Variants in DLG2 observed in about 807,000 individuals in gnomAD.
DLG2 encodes discs large MAGUK scaffold protein 2.
A neutral mutation model predicts 132.5 loss-of-function variants in DLG2; 45 were observed. That is an observed-to-expected ratio of 0.34 (90% CI 0.27 to 0.44). The LOEUF is 0.44. Among genes scored for constraint, DLG2 ranks in the 20% least tolerant of loss-of-function variants. DLG2 has a pLI of 1.00. For missense variants in DLG2, 1,045 were observed against 1,196.9 expected (o/e 0.87, Z 1.87); for synonymous variants, 424 against 419.6 (o/e 1.01, Z -0.13).
intron 10 of DLG2, among the ~76,000 whole-genome samples, chr11:84,081,742 A>T (rs1028047938): frequency 1.3e-5 from 2 of 152,192 alleles, no homozygotes; most frequent in Admixed American, 1.3e-4. Flanking sequence ...GGTTGCTTCC[A>T]AGTCTTTGCT....
intron 10 of DLG2, among the ~76,000 whole-genome samples, chr11:84,072,906 G>A (rs997851615): frequency 3.3e-5 from 5 of 152,160 alleles, no homozygotes; most frequent in Admixed American, 1.3e-4. Flanking sequence ...TAAAGAGAAG[G>A]GGACAGACAT....
intron 3 of DLG2, among the ~76,000 whole-genome samples, chr11:85,487,122 G>A (rs1318349318): frequency 6.7e-6 from 1 of 149,828 alleles, no homozygotes; most frequent in Non-Finnish European, 1.5e-5. Context: ...AGCCAACAAT[G>A]TATATACAAG....
At chr11:84,992,079 T>C (rs1488317035) in intron 6 of DLG2, among the ~76,000 whole-genome samples, 2 of 152,074 alleles carry the variant, frequency 1.3e-5, no homozygotes, top group African/African-American at 4.8e-5. Flanking sequence ...CTCTCTGGAG[T>C]GTTTCTTTCT....
intron 3 of DLG2, among the ~76,000 whole-genome samples, chr11:85,572,040 C>G (rs2077872426): frequency 6.6e-6 from 1 of 152,036 alleles, no homozygotes. Flanking sequence ...ACTCACTGTC[C>G]TTACAGAGAT....
intron 4 of DLG2, among the ~76,000 whole-genome samples, chr11:85,195,434 AAAG>A (rs1225230079): frequency 6.6e-6 from 1 of 152,132 alleles, no homozygotes; most frequent in Non-Finnish European, 1.5e-5. Context: ...AAATAAGTGA[AAAG>A]GAGGGACCCT....
chr11:83,977,351 T>C (rs2092362910), intron 12 of DLG2, among the ~76,000 whole-genome samples: 1 of 151,990 alleles, frequency 6.6e-6, no homozygotes, highest in East Asian at 1.9e-4. Context: ...GAGTATGAGC[T>C]ATTAAGAGTT....
At chr11:85,375,583 A>G (rs187015924) in intron 3 of DLG2, among the ~76,000 whole-genome samples, 1 of 152,368 alleles carries the variant, frequency 6.6e-6, no homozygotes, top group East Asian at 1.9e-4. Context: ...AAAAGTTGTT[A>G]TATAATCAAT....
chr11:83,491,883 C>T (rs1408825600), intron 21 of DLG2, among the ~76,000 whole-genome samples: 1 of 152,034 alleles, frequency 6.6e-6, no homozygotes, highest in African/African-American at 2.4e-5. Flanking sequence ...CCCTTCTGAA[C>T]TTACTTCAAT....
At chr11:84,201,480 T>G (rs1034011230) in intron 8 of DLG2, among the ~76,000 whole-genome samples, 1 of 151,928 alleles carries the variant, frequency 6.6e-6, no homozygotes, top group Non-Finnish European at 1.5e-5. Flanking sequence ...TAGGGAGGAG[T>G]CCCTCCTTTT....
intron 11 of DLG2, among the ~76,000 whole-genome samples, chr11:83,995,976 G>A (rs972241205): frequency 1.3e-5 from 2 of 152,028 alleles, no homozygotes; most frequent in Non-Finnish European, 2.9e-5. Flanking sequence ...TGGACAAATG[G>A]GATCACAACA....
At chr11:84,381,160 C>A (rs2098747970) in intron 7 of DLG2, among the ~76,000 whole-genome samples, 1 of 152,000 alleles carries the variant, frequency 6.6e-6, no homozygotes, top group Non-Finnish European at 1.5e-5. Flanking sequence ...ACAATCATAA[C>A]TTATTAAACT....
At chr11:83,719,943 T>A (rs2087893119) in intron 18 of DLG2, among the ~76,000 whole-genome samples, 1 of 152,108 alleles carries the variant, frequency 6.6e-6, no homozygotes, top group Admixed American at 6.5e-5. Flanking sequence ...GTATATTACA[T>A]GCTATCTCCA....
chr11:83,501,950 C>T (rs1383933626), intron 21 of DLG2, among the ~76,000 whole-genome samples: 1 of 152,142 alleles, frequency 6.6e-6, no homozygotes. Context: ...TTCAGCTTAA[C>T]CCTGTAAGGA....
chr11:84,178,062 C>G (rs1411476443), intron 8 of DLG2, among the ~76,000 whole-genome samples: 2 of 152,060 alleles, frequency 1.3e-5, no homozygotes, highest in African/African-American at 4.8e-5. Flanking sequence ...TTATTCCAGT[C>G]TGGGGCTGCA....
intron 18 of DLG2, among the ~76,000 whole-genome samples, chr11:83,639,970 TAA>T (rs1412890126): frequency 6.6e-6 from 1 of 152,144 alleles, no homozygotes; most frequent in Non-Finnish European, 1.5e-5. Context: ...TCTGAAAATA[TAA>T]GATAGGTGTT....
chr11:84,131,899 T>C (rs2094437578), intron 9 of DLG2, among the ~76,000 whole-genome samples: 1 of 152,014 alleles, frequency 6.6e-6, no homozygotes, highest in Non-Finnish European at 1.5e-5. Context: ...TATGACATTA[T>C]GTTTCTGGCC....
intron 3 of DLG2, among the ~76,000 whole-genome samples, chr11:85,460,583 T>A (rs2092574964): frequency 1.3e-5 from 2 of 152,200 alleles, no homozygotes; most frequent in South Asian, 4.1e-4. Flanking sequence ...ATCTAGATGT[T>A]CCAGTTGAAG....
At chr11:84,101,350 C>A (rs1379808179) in intron 9 of DLG2, among the ~76,000 whole-genome samples, 1 of 152,092 alleles carries the variant, frequency 6.6e-6, no homozygotes, top group Non-Finnish European at 1.5e-5. Flanking sequence ...ATAGATGTAC[C>A]TTAATCATGA....
chr11:85,094,248 C>A (rs1566835120), intron 6 of DLG2, among the ~76,000 whole-genome samples: 1 of 152,170 alleles, frequency 6.6e-6, no homozygotes, highest in African/African-American at 2.4e-5. Context: ...TAAGGGCCCA[C>A]AATTTTCAAT....
Sources: gnomAD v4.1 joint callset for allele counts (sites outside exome capture counted in the v4.1 genomes callset) on GRCh38, gnomAD v4.1.1 for gene constraint, MANE v1.5 for transcripts, NCBI Gene and HGNC (gene_info 2026-07-23, HGNC 2026-07-21) for gene names.